Variants in MEGF11 observed in about 807,000 individuals in gnomAD.
The protein encoded by MEGF11 is multiple epidermal growth factor-like domains protein 11.
MEGF11 carries 126 observed loss-of-function variants against 146.6 expected under a neutral mutation model. The ratio of observed to expected loss-of-function variants is 0.86; its 90% CI spans 0.74 to 1.00. The LOEUF is 1.00. MEGF11 is among the 50% of genes least tolerant of loss of function. MEGF11 has a pLI of 0.00. For synonymous variants in MEGF11, 532 were observed against 583.4 expected (o/e 0.91, Z 1.27); for missense variants, 1,509 against 1,521.2 (o/e 0.99, Z 0.13).
intron 5 of MEGF11, among the ~76,000 whole-genome samples, chr15:66,018,851 G>A (rs890797909): frequency 3.9e-5 from 6 of 152,260 alleles, no homozygotes; most frequent in African/African-American, 7.2e-5. Flanking sequence ...GCCAGAGGCC[G>A]GGAAGCCAGA....
chr15:66,096,974 C>T (rs979870303), intron 4 of MEGF11, among the ~76,000 whole-genome samples: 17 of 152,188 alleles, frequency 1.1e-4, no homozygotes, highest in African/African-American at 3.1e-4. Flanking sequence ...TATCCAGCCC[C>T]TAGACCCTGG....
intron 1 of MEGF11, among the ~76,000 whole-genome samples, chr15:66,242,277 T>C (rs2092225126): frequency 1.3e-5 from 2 of 151,638 alleles, no homozygotes; most frequent in East Asian, 1.9e-4. Flanking sequence ...GGCATGCCAG[T>C]GCACACCTAT....
chr15:66,140,524 G>C (rs76735281), intron 1 of MEGF11, among the ~76,000 whole-genome samples: 2,619 of 152,266 alleles, frequency 0.017, 79 homozygotes, highest in African/African-American at 0.06. Flanking sequence ...TATGTAGAAG[G>C]CAGGACGCTT....
rs185601550 is a variant in MEGF11 at position 66,100,503 on chromosome 15, C to T, written c.302-6009G>A. ...CTTGGATTCTGCTACTTCCCGGTTG[C>T]AAGCCGTGGGTTACTCAGGCAAGTT... is the stretch of plus-strand genomic sequence containing the variant. On this transcript the variant is annotated intron_variant, in intron 4 of 25. Coordinates refer to ENST00000395614, the MANE Select transcript of MEGF11 (RefSeq NM_001385028.1). Among the ~76,000 whole-genome samples the T allele has an allele frequency of 1.3e-3, 195 of 152,364 alleles. 4 individuals are homozygous for T. The highest frequency in any genetic ancestry group is 1.6e-3 in the Non-Finnish European group (110 of 68,036).
intron 10 of MEGF11, among the ~76,000 whole-genome samples, chr15:65,942,990 T>C (rs2080059620): frequency 8.4e-6 from 1 of 118,770 alleles, no homozygotes; most frequent in Non-Finnish European, 2.0e-5. Context: ...TTTTTTTTTT[T>C]TTTTTTTTTT....
At chr15:65,913,037 T>G (rs909064336) in intron 20 of MEGF11, among the ~76,000 whole-genome samples, 1 of 152,190 alleles carries the variant, frequency 6.6e-6, no homozygotes, top group African/African-American at 2.4e-5. Flanking sequence ...CTCTACTGTT[T>G]AGCCAATATG....
At chr15:66,124,354 A>G (rs1011640107) in intron 2 of MEGF11, among the ~76,000 whole-genome samples, 1 of 152,216 alleles carries the variant, frequency 6.6e-6, no homozygotes, top group Non-Finnish European at 1.5e-5. Flanking sequence ...GTGATTGTTC[A>G]TATCTTTATG....
chr15:66,225,269 G>C (rs1012932626), intron 1 of MEGF11, among the ~76,000 whole-genome samples: 14 of 152,232 alleles, frequency 9.2e-5, no homozygotes, highest in Admixed American at 2.6e-4. Flanking sequence ...CTGGGGAAGA[G>C]GCAGCAGCCC....
At chr15:66,105,716 T>C (rs2087038980) in intron 4 of MEGF11, among the ~76,000 whole-genome samples, 1 of 152,240 alleles carries the variant, frequency 6.6e-6, no homozygotes, top group African/African-American at 2.4e-5. Flanking sequence ...CAGAGAGAAT[T>C]TCTGCAGCTT....
chr15:65,936,948 C>T (rs1034868483), intron 10 of MEGF11, among the ~76,000 whole-genome samples: 4 of 152,206 alleles, frequency 2.6e-5, no homozygotes, highest in Non-Finnish European at 4.4e-5. Context: ...GTCTATGCTT[C>T]CATGCCTCAC....
chr15:66,076,332 T>C (rs1421559391), intron 5 of MEGF11, among the ~76,000 whole-genome samples: 1 of 122,054 alleles, frequency 8.2e-6, no homozygotes, highest in Non-Finnish European at 1.7e-5. Flanking sequence ...TCTGTCATGT[T>C]ACTAAAGATC....
intron 1 of MEGF11, among the ~76,000 whole-genome samples, chr15:66,218,665 TAAAAC>T (rs71836525): frequency 0.15 from 23,367 of 151,776 alleles, 2,569 homozygotes; most frequent in African/African-American, 0.32. Context: ...GGGAACTGAT[TAAAAC>T]AAAACAAAAC....
rs576899707 is a variant in MEGF11, at chr15:66,247,778, T to C, written c.-9+5827A>G. ...TCAGCCGGGCGCAGTGGCTCACACC[T>C]GTAATCCCAGCATTTTGGGAGGCCG... On this transcript the variant is annotated intron_variant, in intron 1 of 25. Transcript: ENST00000395614. Among the ~76,000 whole-genome samples, 5 of 152,114 alleles carry C rather than the reference T, an allele frequency of 3.3e-5. No homozygotes were observed. In the East Asian group the frequency reaches 9.7e-4, roughly 29 times the overall value.
Position 65,982,694 on chromosome 15 carries a change from A to T in MEGF11, c.395-206T>A, listed in dbSNP as rs1438246538. Among the ~76,000 whole-genome samples, 2 of 152,194 alleles carry T rather than the reference A, an allele frequency of 1.3e-5. No homozygotes were observed. The highest frequency in any genetic ancestry group is 4.8e-5 in the African/African-American group (2 of 41,452). On this transcript the variant is annotated intron_variant, in intron 5 of 25. Transcript: ENST00000395614. The surrounding 1 kb of genome is among the most constrained non-coding windows in gnomAD (Gnocchi z 5.6). Reference sequence around the variant, plus strand: ...ATGCAAATAGTCGCACAGGCTAAGAAGGGCAGAGCGTTTGTTTCCTCAAGG... The same window carrying T: ...ATGCAAATAGTCGCACAGGCTAAGATGGGCAGAGCGTTTGTTTCCTCAAGG...
intron 1 of MEGF11, among the ~76,000 whole-genome samples, chr15:66,252,627 C>A (rs1457863492): frequency 6.6e-6 from 1 of 152,218 alleles, no homozygotes; most frequent in Non-Finnish European, 1.5e-5. Flanking sequence ...TCGGCGCTCC[C>A]GGGCTCAGGA....
chr15:66,111,252 G>A (rs1336724569), intron 4 of MEGF11, among the ~76,000 whole-genome samples: 7 of 152,172 alleles, frequency 4.6e-5, no homozygotes, highest in South Asian at 2.1e-4. Context: ...TATTATGGTC[G>A]AAAGTTAGCA....
At chr15:66,126,309 A>G (rs1034515577) in intron 2 of MEGF11, among the ~76,000 whole-genome samples, 1 of 152,170 alleles carries the variant, frequency 6.6e-6, no homozygotes, top group African/African-American at 2.4e-5. Context: ...TGGTGTCACC[A>G]GGCATCGCCC....
At chr15:65,915,633 C>T (rs377303921) in intron 18 of MEGF11, 35 bp from the exon 19 acceptor site, 116 of 1,606,526 alleles carry the variant, frequency 7.2e-5, no homozygotes, top group Non-Finnish European at 9.4e-5. Flanking sequence ...AGAGGACCCA[C>T]TCACTCTCCA....
At chr15:65,936,113 A>C (rs2079776623) in intron 10 of MEGF11, among the ~76,000 whole-genome samples, 1 of 152,170 alleles carries the variant, frequency 6.6e-6, no homozygotes, top group Non-Finnish European at 1.5e-5. Context: ...ACACGTGCTC[A>C]GGCAGTCAGT....
Sources: allele counts gnomAD v4.1 joint callset (sites outside exome capture counted in the v4.1 genomes callset), GRCh38; gene constraint gnomAD v4.1.1; non-coding constraint Gnocchi (gnomAD v3.1); transcripts MANE v1.5; gene names NCBI Gene and HGNC (gene_info 2026-07-23, HGNC 2026-07-21).